The following FAM162B variants were observed in gnomAD, a reference collection of about 807,000 sequenced individuals.
FAM162B encodes the protein protein FAM162B.
In FAM162B, 16 loss-of-function variants were observed where a neutral mutation model predicts 20.0. The ratio of observed to expected loss-of-function variants is 0.80; its 90% CI spans 0.54 to 1.21. The LOEUF (loss-of-function observed/expected upper bound fraction) is 1.21, where lower values mean the gene tolerates loss of function less well. Among genes scored for constraint, FAM162B ranks in the 50% most tolerant of loss-of-function variants. FAM162B has a pLI of 0.00. For missense variants in FAM162B, 260 were observed against 227.5 expected, an observed-to-expected ratio of 1.14 and a Z score of -0.92; for synonymous variants, 83 against 89.7, an observed-to-expected ratio of 0.93 and a Z score of 0.42.
chr6:116,760,515 AATT>A (rs1250947289), intron 3 of FAM162B, among the ~76,000 whole-genome samples: 1 of 152,176 alleles, frequency 6.6e-6, no homozygotes. Flanking sequence ...ATTATAAATA[AATT>A]ATTAGAGGGT....
In FAM162B at chr6:116,765,406, G is replaced by A; in HGVS notation, c.171C>T (p.His57=). The A allele has an allele frequency of 1.4e-6, 2 of 1,465,402 alleles. No homozygotes were observed. Among genetic ancestry groups the A allele is most frequent in the Non-Finnish European group, 9.0e-7 (1 of 1,106,444 alleles). The allele number at this position is 1,465,402 out of a possible 1,614,324, so 90.8% of individuals were successfully genotyped here. ...GAPSNSGPQG[H]GEIHRVPTQR... is the part of the protein sequence containing the mutation. ...CTCCCCGTCGGAGCCCTGGCTCACC[G>A]TGACCTTGGGGCCCAGAATTGCTGG... Residue 57 remains histidine, a splice_region_variant and synonymous_variant, in exon 1 of 4, where the codon CAC becomes CAT. Coordinates refer to ENST00000368557, the MANE Select transcript of FAM162B (RefSeq NM_001085480.3).
Position 116,760,361 on chromosome 6 carries a change from T to C in FAM162B, c.390+1616A>G, listed in dbSNP as rs116442780. Among the ~76,000 whole-genome samples, 344 of 152,338 alleles carry C rather than the reference T, an allele frequency of 2.3e-3. 1 individual carries two copies. Among genetic ancestry groups the C allele is most frequent in the African/African-American group, 7.9e-3 (328 of 41,588 alleles). Reference sequence around the variant, plus strand: ...AACAGGAAATGAAAAAACCTTTCCTTCAAATCATATGTGTTGAAAATAAAA... The same window carrying C: ...AACAGGAAATGAAAAAACCTTTCCTCCAAATCATATGTGTTGAAAATAAAA... On this transcript the variant is annotated intron_variant, in intron 3 of 3. Coordinates refer to ENST00000368557, the MANE Select transcript of FAM162B (RefSeq NM_001085480.3).
Position 116,765,153 on chromosome 6 carries a change from C to T in FAM162B, c.275G>A (p.Arg92Gln), listed in dbSNP as rs1771883562. Residue 92 changes from arginine (R) to glutamine (Q), a missense_variant, in exon 2 of 4, where the codon CGG (arginine) becomes CAG (glutamine). Transcript: ENST00000368557. Reference sequence around the variant, plus strand: ...CGGCGGTCGCCACACTTACGGGATCCGAGGCGGGATCTCCTCCATCGATTT... The same window carrying T: ...CGGCGGTCGCCACACTTACGGGATCTGAGGCGGGATCTCCTCCATCGATTT... ...RFKSMEEIPPRIPPEMIDTAR... is the reference protein window; with the variant it reads ...RFKSMEEIPPQIPPEMIDTAR... The T allele has an allele frequency of 6.2e-7, 1 of 1,613,360 alleles. No homozygotes were observed. The highest frequency in any genetic ancestry group is 1.1e-5 in the South Asian group (1 of 91,086).
At position 116,752,500 on chromosome 6, in the gene FAM162B, C is replaced by A; in HGVS notation, c.*97G>T. 3 of 522,398 alleles carry A rather than the reference C, an allele frequency of 5.7e-6. No individual in the cohort carries two copies. The highest frequency in any genetic ancestry group is 3.8e-5 in the South Asian group (1 of 26,338). 32.4% of individuals were successfully genotyped at this position (522,398 alleles called of 1,614,324 possible). On this transcript the variant is annotated 3_prime_UTR_variant, in exon 4 of 4. Transcript: ENST00000368557. ...GTGCTTCTTGTTACCAAAATAAAAC[C>A]ATGGCAGATATTTTGGTAAATATTC...
chr6:116,763,659 T>C (rs373472153), intron 2 of FAM162B, among the ~76,000 whole-genome samples: 1 of 152,144 alleles, frequency 6.6e-6, no homozygotes, highest in Non-Finnish European at 1.5e-5. Context: ...ATACTGGGCA[T>C]AGGTTTTCTT....
chr6:116,759,382 A>T (rs1780106977), intron 3 of FAM162B, among the ~76,000 whole-genome samples: 1 of 145,458 alleles, frequency 6.9e-6, no homozygotes, highest in Non-Finnish European at 1.5e-5. Context: ...GATCACTGCA[A>T]GCTCCACCTC....
At chr6:116,762,413 G>A (rs181429322) in intron 2 of FAM162B, among the ~76,000 whole-genome samples, 21 of 152,254 alleles carry the variant, frequency 1.4e-4, no homozygotes, top group Non-Finnish European at 2.5e-4. Context: ...TAAAGGAAGA[G>A]TTAAAGCATA....
At chr6:116,753,503 G>T (rs1780015127) in intron 3 of FAM162B, among the ~76,000 whole-genome samples, 1 of 152,026 alleles carries the variant, frequency 6.6e-6, no homozygotes, top group Non-Finnish European at 1.5e-5. Context: ...ACTTATCCAC[G>T]AGCAGCTAGA....
chr6:116,759,688 C>T (rs4946191), intron 3 of FAM162B, among the ~76,000 whole-genome samples: 86,837 of 151,910 alleles, frequency 0.57, 25,100 homozygotes, highest in South Asian at 0.74. Context: ...TAAAACTCTA[C>T]ACTGGATCCC....
At chr6:116,753,033 G>A (rs970401216) in intron 3 of FAM162B, among the ~76,000 whole-genome samples, 3 of 152,084 alleles carry the variant, frequency 2.0e-5, no homozygotes, top group East Asian at 1.9e-4. Context: ...GATACCTAGT[G>A]TGCATCTCAC....
chr6:116,752,655 G>T lies in FAM162B; in HGVS notation c.431C>A (p.Ala144Glu). The T allele has an allele frequency of 6.3e-7, 1 of 1,589,194 alleles. No homozygotes were observed. Among genetic ancestry groups the T allele is most frequent in the East Asian group, 2.3e-5 (1 of 43,984 alleles). Reference protein sequence around the residue: ...RHESLTSWNLAKKAKWREEAA... With the variant: ...RHESLTSWNLEKKAKWREEAA... ...TTCTTCACGCCACTTAGCTTTCTTTGCCAAGTTCCAACTTGTTAAGGATTC... is the reference window on the plus strand; with the variant it reads ...TTCTTCACGCCACTTAGCTTTCTTTTCCAAGTTCCAACTTGTTAAGGATTC... Residue 144 changes from alanine (A) to glutamate (E), a missense_variant, in exon 4 of 4, where the codon GCA (alanine) becomes GAA (glutamate). By Grantham distance (107) the Ala-to-Glu change is moderately radical. Coordinates refer to ENST00000368557, the MANE Select transcript of FAM162B (RefSeq NM_001085480.3).
At chr6:116,753,945 T>C (rs978926855) in intron 3 of FAM162B, among the ~76,000 whole-genome samples, 1 of 152,300 alleles carries the variant, frequency 6.6e-6, no homozygotes, top group South Asian at 2.1e-4. Flanking sequence ...AACCGTTTCA[T>C]AAAAGATAAA....
At chr6:116,759,311 T>A (rs1246361930) in intron 3 of FAM162B, among the ~76,000 whole-genome samples, 1 of 149,812 alleles carries the variant, frequency 6.7e-6, no homozygotes, top group African/African-American at 2.4e-5. Context: ...TTTTTTTTTT[T>A]TTTTTATTTT....
At chr6:116,753,549 A>G (rs1200724973) in intron 3 of FAM162B, among the ~76,000 whole-genome samples, 3 of 152,184 alleles carry the variant, frequency 2.0e-5, no homozygotes, top group Non-Finnish European at 4.4e-5. Context: ...GGAGGAAAAC[A>G]GTACAGAAAA....
chr6:116,758,483 G>C (rs186620360), intron 3 of FAM162B, among the ~76,000 whole-genome samples: 1 of 151,896 alleles, frequency 6.6e-6, no homozygotes, highest in Non-Finnish European at 1.5e-5. Flanking sequence ...TTAGCTCTTA[G>C]TTTGTGATCT....
intron 2 of FAM162B, among the ~76,000 whole-genome samples, chr6:116,764,055 A>T (rs1202307574): frequency 6.6e-6 from 1 of 152,134 alleles, no homozygotes; most frequent in Non-Finnish European, 1.5e-5. Context: ...AAAGAACGAA[A>T]ATGCTTCAGA....
intron 2 of FAM162B, among the ~76,000 whole-genome samples, chr6:116,762,509 T>A (rs1025030358): frequency 6.6e-6 from 1 of 152,098 alleles, no homozygotes; most frequent in African/African-American, 2.4e-5. Context: ...TAAAACTCAT[T>A]TTTATCATTT....
chr6:116,754,126 A>C (rs757962201), intron 3 of FAM162B, among the ~76,000 whole-genome samples: 2 of 152,200 alleles, frequency 1.3e-5, no homozygotes, highest in Non-Finnish European at 2.9e-5. Context: ...TGCCAAAAAT[A>C]TTCTTTTCTT....
intron 3 of FAM162B, among the ~76,000 whole-genome samples, chr6:116,759,373 A>C (rs1454223894): frequency 1.9e-4 from 28 of 147,764 alleles, no homozygotes; most frequent in Admixed American, 4.1e-4. Flanking sequence ...ACAATCTCGG[A>C]TCACTGCAAG....
Sources: gnomAD v4.1 joint callset for allele counts (sites outside exome capture counted in the v4.1 genomes callset) on GRCh38, gnomAD v4.1.1 for gene constraint, MANE v1.5 for transcripts, NCBI Gene and HGNC (gene_info 2026-07-23, HGNC 2026-07-21) for gene names.